ARMH3: variants seen among roughly 807,000 people sequenced by gnomAD.
ARMH3 encodes armadillo-like helical domain-containing protein 3.
A neutral mutation model predicts 99.1 loss-of-function variants in ARMH3; 60 were observed. The observed-to-expected ratio is 0.61, with a 90% CI of 0.49 to 0.75. ARMH3 has a LOEUF of 0.75. ARMH3 is among the 30% of genes least tolerant of loss of function. ARMH3 has a pLI of 0.00. For missense variants in ARMH3, 679 were observed against 843.1 expected (o/e 0.81, Z 2.41); for synonymous variants, 285 against 292.8 (o/e 0.97, Z 0.27).
chr10:101,860,429 A>G (rs2066840149), intron 24 of ARMH3, among the ~76,000 whole-genome samples: 1 of 152,204 alleles, frequency 6.6e-6, no homozygotes, highest in Admixed American at 6.5e-5. Context: ...CAGATACTGG[A>G]TATCAGGCAG....
chr10:101,858,901 TAATTTAGTAACACAG>T (rs1470407825), intron 24 of ARMH3, among the ~76,000 whole-genome samples: 2 of 152,224 alleles, frequency 1.3e-5, no homozygotes, highest in Non-Finnish European at 2.9e-5. Context: ...GTTTGCTGAC[TAATTTAGTAACACAG>T]GCCCAACCAA....
At chr10:102,031,299 G>C (rs756458611) in intron 4 of ARMH3, among the ~76,000 whole-genome samples, 1 of 152,090 alleles carries the variant, frequency 6.6e-6, no homozygotes, top group Non-Finnish European at 1.5e-5. Context: ...AACATTATGA[G>C]GGCTATGTGA....
intron 15 of ARMH3, among the ~76,000 whole-genome samples, chr10:101,996,392 A>T (rs970684902): frequency 1.3e-5 from 2 of 152,238 alleles, no homozygotes; most frequent in African/African-American, 2.4e-5. Context: ...CCTGACAATT[A>T]GATGGCATAA....
Position 101,850,055 on chromosome 10 carries a change from T to TGC in ARMH3, c.1861-165_1861-164dup, listed in dbSNP as rs550767877. ...AAAACAGCCTGGCTACAGGGAGCGA[T>TGC]GCCTCAGGTTTCTGGGACCACTTTC... On this transcript the variant is annotated intron_variant, in intron 24 of 25. Transcript: ENST00000370033. Among the ~76,000 whole-genome samples the TGC allele has an allele frequency of 5.9e-5, 9 of 151,338 alleles. No individual in the cohort carries two copies. The South Asian group carries it at 1.7e-3, about 28-fold the overall frequency.
chr10:102,021,129 T>C (rs1054854437), intron 8 of ARMH3, among the ~76,000 whole-genome samples: 1 of 152,188 alleles, frequency 6.6e-6, no homozygotes, highest in Non-Finnish European at 1.5e-5. Context: ...CAGGCTGGAG[T>C]GCAGGGGCGT....
chr10:101,865,364 A>G (rs2066977650), intron 24 of ARMH3, among the ~76,000 whole-genome samples: 1 of 152,236 alleles, frequency 6.6e-6, no homozygotes, highest in South Asian at 2.1e-4. Context: ...AAAATTTACA[A>G]AACTCATGCA....
chr10:101,951,021 AAC>A (rs749355791), intron 22 of ARMH3, among the ~76,000 whole-genome samples: 3 of 152,250 alleles, frequency 2.0e-5, no homozygotes, highest in Non-Finnish European at 4.4e-5. Context: ...ATTGGCAATA[AAC>A]AGTTAAAAAT....
At chr10:101,956,575 G>GTT in intron 22 of ARMH3, 22 bp downstream of exon 22, 1 of 1,611,008 alleles carries the variant, frequency 6.2e-7, no homozygotes, top group Non-Finnish European at 8.5e-7. Context: ...GGAGAGAGGA[G>GTT]TAAAAAGAAA....
At chr10:101,960,477 C>T (rs1383132874) in intron 20 of ARMH3, among the ~76,000 whole-genome samples, 2 of 152,164 alleles carry the variant, frequency 1.3e-5, no homozygotes, top group Middle Eastern at 3.4e-3. Flanking sequence ...TCATTTAATC[C>T]GATTTCCTCA....
intron 23 of ARMH3, among the ~76,000 whole-genome samples, chr10:101,899,581 T>C (rs2067924038): frequency 6.6e-6 from 1 of 152,154 alleles, no homozygotes; most frequent in African/African-American, 2.4e-5. Flanking sequence ...AAAAAAGCAA[T>C]TTCCCTTGAT....
At chr10:101,895,799 A>G (rs2067816594) in intron 23 of ARMH3, among the ~76,000 whole-genome samples, 1 of 152,252 alleles carries the variant, frequency 6.6e-6, no homozygotes, top group Non-Finnish European at 1.5e-5. Flanking sequence ...GTACCAGAAT[A>G]TATAAAGGAC....
In ARMH3 at chr10:102,047,400, A is replaced by T. The variant is rs539042808; in HGVS notation, c.-11-7275T>A. Among the ~76,000 whole-genome samples the T allele has an allele frequency of 3.9e-5, 6 of 152,176 alleles. No homozygotes were observed. In the South Asian group the frequency reaches 1.0e-3, roughly 26 times the overall value. On this transcript the variant is annotated intron_variant, in intron 1 of 25. Coordinates refer to ENST00000370033, the MANE Select transcript of ARMH3 (RefSeq NM_024541.3). ...GAGGGAGTATGTTTTAATACTGATG[A>T]GCTGTGATCCCCTATTTCAGAATCT... is the stretch of plus-strand genomic sequence containing the variant.
At chr10:101,986,758 T>C (rs774614883) in intron 19 of ARMH3, among the ~76,000 whole-genome samples, 7 of 152,104 alleles carry the variant, frequency 4.6e-5, no homozygotes, top group Admixed American at 2.6e-4. Context: ...ACTTGATGCT[T>C]CAAATTCTAA....
chr10:101,969,967 G>A (rs895234542), intron 20 of ARMH3, among the ~76,000 whole-genome samples: 4 of 152,174 alleles, frequency 2.6e-5, no homozygotes, highest in Admixed American at 6.5e-5. Flanking sequence ...GTGATCCATA[G>A]ATAAATGTTG....
intron 8 of ARMH3, among the ~76,000 whole-genome samples, chr10:102,020,215 C>A (rs1252320879): frequency 6.6e-6 from 1 of 151,822 alleles, no homozygotes; most frequent in Non-Finnish European, 1.5e-5. Context: ...ATAAATTTAA[C>A]GTAGCCTAAG....
At chr10:101,987,748 C>T (rs60082283) in intron 19 of ARMH3, among the ~76,000 whole-genome samples, 20,670 of 152,094 alleles carry the variant, frequency 0.14, 3,728 homozygotes, top group African/African-American at 0.42. Flanking sequence ...ACCAACCCTA[C>T]GGAGAGACCC....
intron 1 of ARMH3, among the ~76,000 whole-genome samples, chr10:102,047,334 G>T (rs2067581341): frequency 6.6e-6 from 1 of 152,006 alleles, no homozygotes; most frequent in African/African-American, 2.4e-5. Flanking sequence ...AAAAGAAATG[G>T]AAAACAAGTC....
chr10:102,017,621 T>C (rs1205789334), intron 8 of ARMH3, among the ~76,000 whole-genome samples: 1 of 152,200 alleles, frequency 6.6e-6, no homozygotes, highest in Non-Finnish European at 1.5e-5. Context: ...TTTCCACAGC[T>C]ATTTTTCTTG....
At chr10:101,985,315 C>CGT (rs1554883239) in intron 19 of ARMH3, among the ~76,000 whole-genome samples, 14 of 147,358 alleles carry the variant, frequency 9.5e-5, no homozygotes, top group African/African-American at 2.3e-4. Flanking sequence ...CATGTATATA[C>CGT]ATATATATAT....
Sources: allele counts gnomAD v4.1 joint callset (sites outside exome capture counted in the v4.1 genomes callset), GRCh38; gene constraint gnomAD v4.1.1; transcripts MANE v1.5; gene names NCBI Gene and HGNC (gene_info 2026-07-23, HGNC 2026-07-21).